The following PDZRN4 variants were observed in gnomAD, a reference collection of about 807,000 sequenced individuals.
PDZRN4 encodes PDZ domain-containing RING finger protein 4.
In PDZRN4, 70 loss-of-function variants were observed where a neutral mutation model predicts 99.0. The observed-to-expected ratio is 0.71, with a 90% CI of 0.58 to 0.86. The LOEUF is 0.86. Ranked by LOEUF, PDZRN4 falls within the 40% of genes least tolerant of loss-of-function variation. The pLI is 0.00. For synonymous variants in PDZRN4, 551 were observed against 501.6 expected, an observed-to-expected ratio of 1.10 and a Z score of -1.32; for missense variants, 1,474 against 1,331.2, an observed-to-expected ratio of 1.11 and a Z score of -1.67.
intron 3 of PDZRN4, among the ~76,000 whole-genome samples, chr12:41,245,004 G>A (rs2120792513): frequency 6.6e-6 from 1 of 152,176 alleles, no homozygotes; most frequent in East Asian, 1.9e-4. Flanking sequence ...CCACTGTCTT[G>A]ACACTCCCTT....
At chr12:41,515,566 T>G (rs762336630) in intron 5 of PDZRN4, among the ~76,000 whole-genome samples, 1 of 152,068 alleles carries the variant, frequency 6.6e-6, no homozygotes, top group Non-Finnish European at 1.5e-5. Context: ...AGTCTGGAGT[T>G]GGTTCACTGA....
chr12:41,537,297 T>G (rs1318681128), intron 5 of PDZRN4, among the ~76,000 whole-genome samples: 4 of 152,190 alleles, frequency 2.6e-5, no homozygotes, highest in African/African-American at 9.6e-5. Flanking sequence ...ATGTGGCAAA[T>G]GGGCAATGAG....
At chr12:41,501,740 T>C (rs1018097280) in intron 3 of PDZRN4, among the ~76,000 whole-genome samples, 2 of 152,112 alleles carry the variant, frequency 1.3e-5, no homozygotes, top group Non-Finnish European at 2.9e-5. Flanking sequence ...TATCTAAAAA[T>C]TTACATGTGT....
intron 3 of PDZRN4, among the ~76,000 whole-genome samples, chr12:41,497,886 T>C (rs900249791): frequency 1.3e-5 from 2 of 152,120 alleles, no homozygotes; most frequent in East Asian, 3.8e-4. Context: ...AGGAAGCTAT[T>C]CATCTATCAA....
At chr12:41,551,710 T>G (rs1339467958) in intron 5 of PDZRN4, among the ~76,000 whole-genome samples, 1 of 152,214 alleles carries the variant, frequency 6.6e-6, no homozygotes, top group East Asian at 1.9e-4. Context: ...ATAGACATTG[T>G]TCTTCTTCAT....
chr12:41,367,134 T>C (rs534927162), intron 3 of PDZRN4, among the ~76,000 whole-genome samples: 1 of 152,242 alleles, frequency 6.6e-6, no homozygotes, highest in South Asian at 2.1e-4. Flanking sequence ...TTACATTCCC[T>C]AGTACCTGTA....
intron 3 of PDZRN4, among the ~76,000 whole-genome samples, chr12:41,238,715 TAA>T (rs869160188): frequency 1.2e-4 from 2 of 16,476 alleles, no homozygotes; most frequent in Admixed American, 8.2e-4. Flanking sequence ...TATTAAAAAA[TAA>T]AAAATAAAAT....
intron 5 of PDZRN4, among the ~76,000 whole-genome samples, chr12:41,520,187 A>G (rs187982340): frequency 5.3e-5 from 8 of 152,306 alleles, no homozygotes; most frequent in Admixed American, 3.3e-4. Flanking sequence ...TTGACAAACA[A>G]AAGATATGGT....
intron 3 of PDZRN4, among the ~76,000 whole-genome samples, chr12:41,478,794 G>A (rs1035954598): frequency 1.9e-4 from 29 of 151,930 alleles, no homozygotes; most frequent in African/African-American, 6.0e-4. Context: ...AACACACACT[G>A]TTCCTGATAT....
At chr12:41,365,509 ATAAT>A (rs1332311398) in intron 3 of PDZRN4, among the ~76,000 whole-genome samples, 2 of 152,102 alleles carry the variant, frequency 1.3e-5, no homozygotes, top group Non-Finnish European at 2.9e-5. Flanking sequence ...CCTCTCTTGT[ATAAT>A]TAATCATTAT....
At chr12:41,190,482 A>G (rs1037374947) in intron 1 of PDZRN4, among the ~76,000 whole-genome samples, 3 of 152,234 alleles carry the variant, frequency 2.0e-5, no homozygotes, top group Non-Finnish European at 2.9e-5. Context: ...GAATAATATT[A>G]CAGAAAAGTC....
At chr12:41,552,781 C>G (rs772918284) in intron 6 of PDZRN4, 27 bp downstream of exon 6, 1 of 1,536,966 alleles carries the variant, frequency 6.5e-7, no homozygotes. Flanking sequence ...AGGGGAAATT[C>G]GAGGAGGGAG....
At chr12:41,515,185 G>A (rs2608717) in intron 5 of PDZRN4, among the ~76,000 whole-genome samples, 41,778 of 151,858 alleles carry the variant, frequency 0.28, 8,802 homozygotes, top group African/African-American at 0.59. Flanking sequence ...TTGAAAGCCA[G>A]TGATGGAAGA....
In PDZRN4 at chr12:41,553,527, CAA is replaced by C. The variant is rs34859944; in HGVS notation, c.1302+786_1302+787del. On this transcript the variant is annotated intron_variant, in intron 6 of 9. Coordinates refer to ENST00000402685, the MANE Select transcript of PDZRN4 (RefSeq NM_001164595.2). ...GGCCAGGAGTTTGACTCTGTCTCTA[CAA>C]AAAAAAAAAAAATATTTAGTCAGTC... 8.7e-3 allele frequency among the ~76,000 whole-genome samples: 1,283 copies of C among 146,754 alleles called. 13 individuals are homozygous for C. Among genetic ancestry groups the C allele is most frequent in the African/African-American group, 0.022 (889 of 40,218 alleles).
chr12:41,299,358 C>G (rs1951517983), intron 3 of PDZRN4, among the ~76,000 whole-genome samples: 1 of 152,084 alleles, frequency 6.6e-6, no homozygotes, highest in South Asian at 2.1e-4. Flanking sequence ...GATTTTTCCT[C>G]TCTTTTGTAA....
chr12:41,351,559 AT>A (rs1476386115), intron 3 of PDZRN4, among the ~76,000 whole-genome samples: 4 of 152,004 alleles, frequency 2.6e-5, no homozygotes, highest in African/African-American at 9.7e-5. Context: ...AAGCAAGCAC[AT>A]CTTCACATGG....
intron 5 of PDZRN4, among the ~76,000 whole-genome samples, chr12:41,513,948 T>A (rs568961453): frequency 6.6e-6 from 1 of 152,242 alleles, no homozygotes; most frequent in African/African-American, 2.4e-5. Flanking sequence ...CAAGCAACAG[T>A]TCTGTGCCTG....
intron 3 of PDZRN4, among the ~76,000 whole-genome samples, chr12:41,232,669 G>C (rs1188755659): frequency 1.3e-5 from 2 of 151,990 alleles, no homozygotes; most frequent in Non-Finnish European, 2.9e-5. Context: ...AAGCTCTTTA[G>C]TTTAACTAGA....
chr12:41,508,784 G>T (rs1367348502), intron 4 of PDZRN4, among the ~76,000 whole-genome samples: 1 of 152,064 alleles, frequency 6.6e-6, no homozygotes, highest in Non-Finnish European at 1.5e-5. Flanking sequence ...GAATATTTAC[G>T]CTGACTATAG....
Sources: gnomAD v4.1 joint callset for allele counts (sites outside exome capture counted in the v4.1 genomes callset) on GRCh38, gnomAD v4.1.1 for gene constraint, MANE v1.5 for transcripts, NCBI Gene and HGNC (gene_info 2026-07-23, HGNC 2026-07-21) for gene names.